The following DAPK1 variants were observed in gnomAD, a reference collection of about 807,000 sequenced individuals.
The protein encoded by DAPK1 is death-associated protein kinase 1.
Under a neutral mutation model 144.9 loss-of-function variants are expected in DAPK1, and 56 were observed. The ratio of observed to expected loss-of-function variants is 0.39; its 90% confidence interval spans 0.31 to 0.48. The LOEUF (loss-of-function observed/expected upper bound fraction) is 0.48. Among genes scored for constraint, DAPK1 ranks in the 20% least tolerant of loss-of-function variants. The probability of loss-of-function intolerance (pLI) is 0.95; values close to 1 mark genes in which losing one functional copy is unlikely to be tolerated. For synonymous variants in DAPK1, 690 were observed against 749.0 expected, an observed-to-expected ratio of 0.92 and a Z score of 1.29; for missense variants, 1,454 against 1,875.4, an observed-to-expected ratio of 0.78 and a Z score of 4.15.
At chr9:87,643,241 T>C (rs557814681) in intron 10 of DAPK1, 135 bp from the exon 11 acceptor site, 1 of 586,802 alleles carries the variant, frequency 1.7e-6, no homozygotes, top group Non-Finnish European at 3.0e-6. Flanking sequence ...TGTGTGCTGA[T>C]AGCAATGAAC....
chr9:87,632,633 T>C, intron 3 of DAPK1: 1 of 982,456 alleles, frequency 1.0e-6, no homozygotes, highest in Middle Eastern at 5.3e-4. Flanking sequence ...AGTATATATG[T>C]AGGGATGAAG....
chr9:87,695,491 T>A (rs768074482), intron 21 of DAPK1, among the ~76,000 whole-genome samples: 9 of 151,990 alleles, frequency 5.9e-5, no homozygotes, highest in Non-Finnish European at 1.3e-4. Context: ...GTTCCGGGAG[T>A]CCTGGGAGCT....
At chr9:87,576,432 T>A (rs1827563368) in intron 2 of DAPK1, among the ~76,000 whole-genome samples, 1 of 152,184 alleles carries the variant, frequency 6.6e-6, no homozygotes, top group South Asian at 2.1e-4. Flanking sequence ...TCTTGTCAAG[T>A]GTGTTTGTTC....
chr9:87,572,458 T>C (rs540078968), intron 2 of DAPK1, among the ~76,000 whole-genome samples: 5 of 152,202 alleles, frequency 3.3e-5, no homozygotes, highest in African/African-American at 9.7e-5. Flanking sequence ...TATTTGTCCT[T>C]ACCCAGATCT....
intron 19 of DAPK1, among the ~76,000 whole-genome samples, chr9:87,678,407 G>A (rs779352463): frequency 6.6e-6 from 1 of 152,220 alleles, no homozygotes; most frequent in Non-Finnish European, 1.5e-5. Flanking sequence ...CTGCACTCAC[G>A]CACAGGATCA....
At chr9:87,646,399 G>A (rs545990094) in intron 12 of DAPK1, 62 bp from the exon 13 acceptor site, 28 of 1,237,976 alleles carry the variant, frequency 2.3e-5, no homozygotes, top group South Asian at 9.8e-5. Context: ...AGCAATCATC[G>A]TTTGGGCTTT....
In DAPK1 at chr9:87,706,419, G is replaced by C; in HGVS notation, c.3348G>C (p.Trp1116Cys). 1.2e-6 allele frequency: 2 copies of C among 1,613,498 alleles called. No homozygotes were observed. The highest frequency in any genetic ancestry group is 1.7e-6 in the Non-Finnish European group (2 of 1,179,650). ...AGACAGACAACCTGCACCGCTCCTG[G>C]GCTGATGAGGAGGACGAGGTGATGG... ...LIKTDNLHRS[W>C]ADEEDEVMVY... Residue 1116 changes from tryptophan to cysteine, a missense_variant, in exon 26 of 26, where the codon TGG becomes TGC. By Grantham distance (215) the Trp-to-Cys change is radical. This residue lies in a region of DAPK1 where 1,025 missense variants were observed against 1,237.9 expected (regional missense o/e 0.83). Transcript: ENST00000408954. The surrounding 1 kb of genome is among the most constrained non-coding windows in gnomAD (Gnocchi z 9.0).
intron 9 of DAPK1, 57 bp from the exon 10 acceptor site, chr9:87,641,912 A>G (rs3118846): frequency 0.47 from 669,306 of 1,410,326 alleles, 161,730 homozygotes; most frequent in Admixed American, 0.61. Context: ...AAATTGTCAT[A>G]TAACACATTT....
chr9:87,648,954 G>T, intron 15 of DAPK1, 75 bp downstream of exon 15: 1 of 1,314,406 alleles, frequency 7.6e-7, no homozygotes. Flanking sequence ...TACAGTCGGG[G>T]CCTTTAGAGT....
At chr9:87,659,766 C>A (rs6560013) in intron 18 of DAPK1, among the ~76,000 whole-genome samples, 15,983 of 152,214 alleles carry the variant, frequency 0.11, 862 homozygotes, top group South Asian at 0.16. Context: ...CCAGAGCTAA[C>A]CTCAGAGCCG....
rs573489060 is a variant in DAPK1 at position 87,601,433 on chromosome 9, G to T, written c.63-3521G>T. ...CAACACACCCTCTGGGTGGGGACAG[G>T]CAGCAAAAGGAGGAAGGGAGTGAGG... On this transcript the variant is annotated intron_variant, in intron 2 of 25. Transcript: ENST00000408954. 1.1e-4 allele frequency among the ~76,000 whole-genome samples: 16 copies of T among 152,334 alleles called. No individual in the cohort carries two copies. The East Asian group carries it at 3.1e-3, about 29-fold the overall frequency.
Position 87,665,863 on chromosome 9 carries a change from G to A in DAPK1, c.1924-2734G>A, listed in dbSNP as rs1420112088. Among the ~76,000 whole-genome samples, 12 of 152,156 alleles carry A rather than the reference G, an allele frequency of 7.9e-5. No individual in the cohort carries two copies. The South Asian group carries it at 2.5e-3, about 32-fold the overall frequency. ...CAACTCACCCTTCTGCAGCCACTTG[G>A]TCCCCAGGGCTCACGTTGAGATGAT... is the stretch of plus-strand genomic sequence containing the variant. On this transcript the variant is annotated intron_variant, in intron 18 of 25. Transcript: ENST00000408954.
chr9:87,624,702 T>C (rs1329239349), intron 3 of DAPK1, among the ~76,000 whole-genome samples: 2 of 152,096 alleles, frequency 1.3e-5, no homozygotes, highest in Non-Finnish European at 2.9e-5. Flanking sequence ...AGCACCCGAC[T>C]GACCTCGAGT....
chr9:87,679,587 T>C (rs1564066508), intron 19 of DAPK1, among the ~76,000 whole-genome samples: 1 of 152,216 alleles, frequency 6.6e-6, no homozygotes, highest in African/African-American at 2.4e-5. Context: ...TGGTATTAGA[T>C]GTGAAATTGT....
At chr9:87,639,893 T>C (rs1003999817) in intron 7 of DAPK1, 78 bp downstream of exon 7, 43 of 1,474,024 alleles carry the variant, frequency 2.9e-5, no homozygotes, top group Admixed American at 8.9e-5. Context: ...AAATGTGCTG[T>C]GTTGATCTCT....
At chr9:87,659,867 C>CGG (rs979197968) in intron 18 of DAPK1, among the ~76,000 whole-genome samples, 42 of 152,298 alleles carry the variant, frequency 2.8e-4, no homozygotes, top group African/African-American at 9.6e-4. Context: ...ACAGTGAGAG[C>CGG]GGGGAGTCCA....
intron 2 of DAPK1, among the ~76,000 whole-genome samples, chr9:87,541,205 T>TA (rs1319068722): frequency 2.6e-5 from 4 of 152,162 alleles, no homozygotes; most frequent in Non-Finnish European, 5.9e-5. Flanking sequence ...TGTTCCTATG[T>TA]AGTTTATGTC....
In DAPK1 at chr9:87,658,144, C is replaced by T. The variant is rs572536121; in HGVS notation, c.1923+17C>T. 2.7e-5 allele frequency: 29 copies of T among 1,060,608 alleles called. No individual in the cohort carries two copies. Among genetic ancestry groups the T allele is most frequent in the Non-Finnish European group, 2.8e-5 (19 of 683,352 alleles). 65.7% of individuals were successfully genotyped at this position (1,060,608 alleles called of 1,614,324 possible). ...CTGACCACGGTGAGTGCCCACAGGG[C>T]TTCGTGAAGGAGGGAGCTGCTGGGA... On this transcript the variant is annotated intron_variant, in intron 18 of 25. Coordinates refer to ENST00000408954, the MANE Select transcript of DAPK1 (RefSeq NM_004938.4).
At chr9:87,704,067 T>C (rs1366011195) in intron 25 of DAPK1, among the ~76,000 whole-genome samples, 1 of 152,172 alleles carries the variant, frequency 6.6e-6, no homozygotes, top group Non-Finnish European at 1.5e-5. Context: ...TTCTTGAAAC[T>C]AAACCTGAAT....
Sources: allele counts gnomAD v4.1 joint callset (sites outside exome capture counted in the v4.1 genomes callset), GRCh38; gene constraint gnomAD v4.1.1; regional missense constraint gnomAD v4.1.1; non-coding constraint Gnocchi (gnomAD v3.1); transcripts MANE v1.5; gene names NCBI Gene and HGNC (gene_info 2026-07-23, HGNC 2026-07-21).